Variants in CFAP54 observed in about 807,000 individuals in gnomAD.
CFAP54 encodes the protein cilia- and flagella-associated protein 54.
In CFAP54, 290 loss-of-function variants were observed where a neutral mutation model predicts 370.4. The ratio of observed to expected loss-of-function variants is 0.78; its 90% CI spans 0.71 to 0.86. The LOEUF is 0.86. Ranked by LOEUF, CFAP54 falls within the 40% of genes least tolerant of loss-of-function variation. The probability of loss-of-function intolerance (pLI) is 0.00; values close to 1 mark genes in which losing one functional copy is unlikely to be tolerated. For missense variants in CFAP54, 3,399 were observed against 3,528.7 expected (o/e 0.96, Z 0.93); for synonymous variants, 1,206 against 1,236.5 (o/e 0.98, Z 0.52).
At chr12:96,845,113 A>G (rs1592805358) in intron 66 of CFAP54, among the ~76,000 whole-genome samples, 2 of 152,318 alleles carry the variant, frequency 1.3e-5, no homozygotes, top group Middle Eastern at 3.4e-3. Flanking sequence ...ATTCTAGAGC[A>G]TGGAGTATTC....
chr12:96,750,170 T>C (rs1452440334), intron 55 of CFAP54, among the ~76,000 whole-genome samples: 1 of 152,222 alleles, frequency 6.6e-6, no homozygotes, highest in African/African-American at 2.4e-5. Context: ...TCCCTGATTT[T>C]TGATCCAAGG....
chr12:96,593,929 A>C (rs1956150295), intron 24 of CFAP54, among the ~76,000 whole-genome samples: 1 of 151,992 alleles, frequency 6.6e-6, no homozygotes, highest in Non-Finnish European at 1.5e-5. Flanking sequence ...CTGTTAATCA[A>C]ATGGGGGCAA....
rs769057815 is a variant in CFAP54, at chr12:96,598,650, G to C, written c.3522G>C (p.Leu1174=). ...ATTGTGATTCTAATTTTTAGATCCT[G>C]ATAAAGTGTATAGTGGTTTTGCAAG... ...NIVLVPVVQI[L]IKCIVVLQGL... is the part of the protein sequence containing the mutation. Residue 1174 remains leucine (L), a synonymous_variant, in exon 26 of 68, where the codon CTG becomes CTC. Transcript: ENST00000524981. 3.2e-6 allele frequency: 2 copies of C among 623,322 alleles called. No homozygotes were observed. The highest frequency in any genetic ancestry group is 5.8e-6 in the Non-Finnish European group (2 of 344,760). The allele number at this position is 623,322 out of a possible 1,614,324, so 38.6% of individuals were successfully genotyped here. A position where few individuals can be genotyped will look rare whatever the true frequency, so the allele number is the denominator to read the frequency against.
At chr12:96,684,285 T>A (rs1763300465) in intron 40 of CFAP54, among the ~76,000 whole-genome samples, 1 of 152,174 alleles carries the variant, frequency 6.6e-6, no homozygotes, top group Non-Finnish European at 1.5e-5. Flanking sequence ...TCAGACTCAG[T>A]TCACCCTCTC....
intron 65 of CFAP54, among the ~76,000 whole-genome samples, chr12:96,818,686 C>A (rs187977489): frequency 6.6e-6 from 1 of 152,354 alleles, no homozygotes; most frequent in Admixed American, 6.5e-5. Flanking sequence ...AAGCTTACTG[C>A]ATGGAGAGCA....
intron 30 of CFAP54, among the ~76,000 whole-genome samples, chr12:96,629,559 C>T (rs182942148): frequency 0.013 from 1,906 of 151,992 alleles, 21 homozygotes; most frequent in Non-Finnish European, 0.021. Flanking sequence ...GTGATCCACC[C>T]GCCTCAGCCT....
chr12:96,726,839 T>C (rs1319158130), intron 50 of CFAP54, among the ~76,000 whole-genome samples: 3 of 151,336 alleles, frequency 2.0e-5, no homozygotes, highest in Non-Finnish European at 4.4e-5. Context: ...CTCTACACAC[T>C]GCTTTGAATG....
intron 3 of CFAP54, among the ~76,000 whole-genome samples, chr12:96,506,518 GT>G: frequency 6.9e-6 from 1 of 145,742 alleles, no homozygotes; most frequent in East Asian, 2.0e-4. Context: ...TTCCATTTTA[GT>G]TTTTTACATT....
intron 26 of CFAP54, among the ~76,000 whole-genome samples, chr12:96,613,199 A>G (rs1004128368): frequency 1.2e-4 from 19 of 152,180 alleles, no homozygotes; most frequent in African/African-American, 4.6e-4. Context: ...TCAAACAAGA[A>G]CTCAAGATTA....
chr12:96,712,136 AT>A (rs148855614), intron 48 of CFAP54, among the ~76,000 whole-genome samples: 2 of 151,696 alleles, frequency 1.3e-5, no homozygotes, highest in East Asian at 1.9e-4. Flanking sequence ...ACATTATACT[AT>A]TTTTTTTCCA....
At chr12:96,509,444 T>G (rs139696060) in intron 4 of CFAP54, among the ~76,000 whole-genome samples, 88 of 152,352 alleles carry the variant, frequency 5.8e-4, no homozygotes, top group Middle Eastern at 6.8e-3. Flanking sequence ...GTTAGACATT[T>G]ACTCTATTTA....
intron 50 of CFAP54, among the ~76,000 whole-genome samples, chr12:96,737,583 G>A (rs955844564): frequency 2.7e-5 from 4 of 150,630 alleles, no homozygotes; most frequent in Admixed American, 6.6e-5. Context: ...TCTGCCTCCC[G>A]GGTTCAAACC....
intron 1 of CFAP54, among the ~76,000 whole-genome samples, chr12:96,496,314 T>A (rs528552614): frequency 2.6e-5 from 4 of 152,256 alleles, no homozygotes; most frequent in Non-Finnish European, 4.4e-5. Flanking sequence ...TCTTCAGTTC[T>A]TAAGTTTATG....
At chr12:96,558,738 T>A (rs1955782779) in intron 17 of CFAP54, among the ~76,000 whole-genome samples, 1 of 152,116 alleles carries the variant, frequency 6.6e-6, no homozygotes, top group African/African-American at 2.4e-5. Context: ...CAAAATAGAT[T>A]AAAGACTTAA....
At chr12:96,699,021 G>A (rs1957464177) in intron 45 of CFAP54, among the ~76,000 whole-genome samples, 1 of 152,148 alleles carries the variant, frequency 6.6e-6, no homozygotes, top group Admixed American at 6.5e-5. Context: ...TGTAAATGAA[G>A]TGGTAGCCCA....
intron 17 of CFAP54, among the ~76,000 whole-genome samples, chr12:96,561,854 C>T (rs1204306730): frequency 1.4e-5 from 2 of 143,660 alleles, no homozygotes; most frequent in Non-Finnish European, 3.0e-5. Context: ...GGTGCGATCT[C>T]AGCTCACTGC....
chr12:96,862,096 G>A (rs530001543), intron 67 of CFAP54, among the ~76,000 whole-genome samples: 135 of 152,174 alleles, frequency 8.9e-4, no homozygotes, highest in African/African-American at 3.0e-3. Context: ...GATAATATAA[G>A]AAAAAGTAGA....
At chr12:96,557,689 G>T (rs11108582) in intron 17 of CFAP54, among the ~76,000 whole-genome samples, 1 of 151,892 alleles carries the variant, frequency 6.6e-6, no homozygotes, top group Non-Finnish European at 1.5e-5. Context: ...TCAGTGTGAT[G>T]GGAGGATGGG....
Position 96,784,740 on chromosome 12 carries a change from A to C in CFAP54, c.8305A>C (p.Thr2769Pro), listed in dbSNP as rs1395539950. The C allele has an allele frequency of 1.1e-5, 17 of 1,525,076 alleles. No individual in the cohort carries two copies. Among genetic ancestry groups the C allele is most frequent in the Non-Finnish European group, 1.5e-5 (17 of 1,142,390 alleles). The allele number at this position is 1,525,076 out of a possible 1,614,324, so 94.5% of individuals were successfully genotyped here. Reference sequence around the variant, plus strand: ...AGACAACTACCAAGTCCTCTTCCAGACTTCCTGTACATTTTTGTACCAAAA... The same window carrying C: ...AGACAACTACCAAGTCCTCTTCCAGCCTTCCTGTACATTTTTGTACCAAAA... ...LLDNYQVLFQ[T>P]SCTFLYQNDD... The change falls in exon 61 of 68, where the codon ACT becomes CCT. Residue 2769 changes from threonine to proline, a missense_variant. By Grantham distance (38) the Thr-to-Pro change is conservative. This residue lies in a region of CFAP54 where 2,796 missense variants were observed against 2,869.7 expected (regional missense o/e 0.97). Coordinates refer to ENST00000524981, the MANE Select transcript of CFAP54 (RefSeq NM_001306084.2).
Sources: allele counts gnomAD v4.1 joint callset (sites outside exome capture counted in the v4.1 genomes callset), GRCh38; gene constraint gnomAD v4.1.1; regional missense constraint gnomAD v4.1.1; transcripts MANE v1.5; gene names NCBI Gene and HGNC (gene_info 2026-07-23, HGNC 2026-07-21).